MYRFL: variants seen among roughly 807,000 people sequenced by gnomAD.
MYRFL encodes the protein myelin regulatory factor like, also known as myelin regulatory factor-like protein.
A neutral mutation model predicts 109.4 loss-of-function variants in MYRFL; 88 were observed. The observed-to-expected ratio is 0.80, with a 90% CI of 0.68 to 0.96. The LOEUF (loss-of-function observed/expected upper bound fraction) is 0.96, where lower values mean the gene tolerates loss of function less well. MYRFL is among the 40% of genes least tolerant of loss of function. MYRFL has a pLI of 0.00. For missense variants in MYRFL, 957 were observed against 954.9 expected, an observed-to-expected ratio of 1.00 and a Z score of -0.03; for synonymous variants, 324 against 320.9, an observed-to-expected ratio of 1.01 and a Z score of -0.10.
At chr12:69,908,091 A>AGTC (rs886540366) in intron 11 of MYRFL, among the ~76,000 whole-genome samples, 29 of 152,068 alleles carry the variant, frequency 1.9e-4, no homozygotes, top group African/African-American at 6.8e-4. Context: ...TTCCTGTCTT[A>AGTC]GTCTCATCCT....
chr12:69,875,586 A>T (rs954614439), intron 2 of MYRFL, among the ~76,000 whole-genome samples: 5 of 152,132 alleles, frequency 3.3e-5, no homozygotes, highest in African/African-American at 1.2e-4. Flanking sequence ...CCATGGCCTG[A>T]TAGGAACCTG....
chr12:69,851,170 T>C (rs1438567162), intron 1 of MYRFL, among the ~76,000 whole-genome samples: 1 of 152,076 alleles, frequency 6.6e-6, no homozygotes, highest in Non-Finnish European at 1.5e-5. Flanking sequence ...TTTTGAAAAA[T>C]CTAAAAAGAC....
At chr12:69,828,173 C>T (rs1248260984) in intron 1 of MYRFL, among the ~76,000 whole-genome samples, 1 of 152,076 alleles carries the variant, frequency 6.6e-6, no homozygotes, top group Non-Finnish European at 1.5e-5. Flanking sequence ...GCCTAAATCA[C>T]ATCATTCTGG....
chr12:69,887,073 G>A, intron 6 of MYRFL, 103 bp downstream of exon 6: 1 of 1,211,688 alleles, frequency 8.3e-7, no homozygotes, highest in Non-Finnish European at 1.1e-6. Context: ...TGGTCAAGTG[G>A]GGCAAATCAG....
chr12:69,886,865 A>AG lies in MYRFL; in HGVS notation c.605dup (p.Gln203ThrfsTer20). Reference sequence around the variant, plus strand: ...AGTGAAGTCCAGGACCCTGACAGTGAGGGACAGAACAGAATGCCTACAGAC... The same window carrying AG: ...AGTGAAGTCCAGGACCCTGACAGTGAGGGGACAGAACAGAATGCCTACAGAC... On this transcript the variant is annotated frameshift_variant, in exon 6 of 25. Coordinates refer to ENST00000552032, the MANE Select transcript of MYRFL (RefSeq NM_182530.3). LOFTEE classifies it high-confidence loss of function. 6.5e-7 allele frequency: 1 copy of AG among 1,535,946 alleles called. No homozygotes were observed. Among genetic ancestry groups the AG allele is most frequent in the South Asian group, 1.2e-5 (1 of 84,052 alleles).
intron 11 of MYRFL, among the ~76,000 whole-genome samples, chr12:69,909,057 C>A (rs1212566088): frequency 6.6e-6 from 1 of 152,190 alleles, no homozygotes; most frequent in Non-Finnish European, 1.5e-5. Context: ...GGATAATGGG[C>A]TCCAGCTCAA....
intron 1 of MYRFL, among the ~76,000 whole-genome samples, chr12:69,851,379 G>T (rs1883865960): frequency 1.3e-5 from 2 of 152,084 alleles, no homozygotes; most frequent in Admixed American, 1.3e-4. Flanking sequence ...GAATACCGAG[G>T]CTTAAACCAA....
chr12:69,844,248 C>G (rs977386276), intron 1 of MYRFL, among the ~76,000 whole-genome samples: 2 of 152,176 alleles, frequency 1.3e-5, no homozygotes, highest in African/African-American at 4.8e-5. Context: ...CAAGCCACAT[C>G]AGGCAGGTCC....
intron 2 of MYRFL, among the ~76,000 whole-genome samples, chr12:69,868,822 T>C (rs1885160783): frequency 6.6e-6 from 1 of 152,158 alleles, no homozygotes; most frequent in Admixed American, 6.5e-5. Context: ...CACTATGGAG[T>C]GCACATGTAC....
chr12:69,845,117 C>T (rs1883453363), intron 1 of MYRFL, among the ~76,000 whole-genome samples: 1 of 152,180 alleles, frequency 6.6e-6, no homozygotes, highest in Non-Finnish European at 1.5e-5. Context: ...AGTGTTCCCT[C>T]CATCACAGTC....
intron 2 of MYRFL, among the ~76,000 whole-genome samples, chr12:69,863,988 C>T (rs997620067): frequency 6.6e-6 from 1 of 152,204 alleles, no homozygotes; most frequent in Admixed American, 6.5e-5. Context: ...GCCTTCTAGC[C>T]TCCATGGTTT....
intron 19 of MYRFL, among the ~76,000 whole-genome samples, chr12:69,940,010 TA>T (rs1335234062): frequency 6.6e-6 from 1 of 151,476 alleles, no homozygotes; most frequent in Non-Finnish European, 1.5e-5. Flanking sequence ...GAAAAAAGAA[TA>T]AAAAGAAATG....
chr12:69,894,137 C>T (rs150168163), intron 8 of MYRFL, among the ~76,000 whole-genome samples: 1,697 of 151,582 alleles, frequency 0.011, 31 homozygotes, highest in African/African-American at 0.035. Context: ...GCTGGGATTA[C>T]AGGCATGAGC....
At chr12:69,915,151 T>G (rs1415141266) in intron 13 of MYRFL, among the ~76,000 whole-genome samples, 1 of 152,184 alleles carries the variant, frequency 6.6e-6, no homozygotes, top group Admixed American at 6.5e-5. Context: ...CTTTGTTAAT[T>G]GTAAAACAAG....
intron 15 of MYRFL, among the ~76,000 whole-genome samples, chr12:69,930,689 A>G (rs1209283229): frequency 6.6e-6 from 1 of 151,690 alleles, no homozygotes; most frequent in Non-Finnish European, 1.5e-5. Context: ...TTTGGTGGCT[A>G]TAGTTGTAGT....
At chr12:69,910,214 C>A in intron 12 of MYRFL, 137 bp downstream of exon 12, 1 of 639,042 alleles carries the variant, frequency 1.6e-6, no homozygotes, top group Non-Finnish European at 2.6e-6. Context: ...AACTCATAGT[C>A]ACTAGAACAG....
intron 8 of MYRFL, 24 bp from the exon 9 acceptor site, chr12:69,895,347 T>A (rs1395205625): frequency 5.4e-6 from 8 of 1,491,412 alleles, no homozygotes; most frequent in Non-Finnish European, 7.2e-6. Context: ...TCTCTTGGTT[T>A]TTTTTTTTTG....
intron 15 of MYRFL, 73 bp downstream of exon 15, chr12:69,927,821 A>C: frequency 7.4e-7 from 1 of 1,354,464 alleles, no homozygotes; most frequent in Admixed American, 2.4e-5. Context: ...ATCAGTCAAG[A>C]ATTTTTTTCT....
At chr12:69,845,054 C>T (rs916049751) in intron 1 of MYRFL, among the ~76,000 whole-genome samples, 5 of 152,170 alleles carry the variant, frequency 3.3e-5, no homozygotes, top group African/African-American at 1.2e-4. Flanking sequence ...GCACGCTCTG[C>T]CCTTGATCCC....
Sources: gnomAD v4.1 joint callset for allele counts (sites outside exome capture counted in the v4.1 genomes callset) on GRCh38, gnomAD v4.1.1 for gene constraint, MANE v1.5 for transcripts, NCBI Gene and HGNC (gene_info 2026-07-23, HGNC 2026-07-21) for gene names.